Variants in ENTREP2 observed in about 807,000 individuals in gnomAD.
ENTREP2 encodes protein ENTREP2.
the ENTREP2 span, among the ~76,000 whole-genome samples, chr15:29,591,139 AT>A: frequency 6.6e-6 from 1 of 152,204 alleles, no homozygotes; most frequent in African/African-American, 2.4e-5. Flanking sequence ...GTACCAAAAG[AT>A]TTGAGAAAAC....
the ENTREP2 span, among the ~76,000 whole-genome samples, chr15:29,311,159 A>G: frequency 6.6e-6 from 1 of 152,120 alleles, no homozygotes; most frequent in Non-Finnish European, 1.5e-5. Context: ...CTTCAGTTTC[A>G]TTTCAATTCT....
At chr15:29,323,075 A>G in the ENTREP2 span, among the ~76,000 whole-genome samples, 2 of 152,230 alleles carry the variant, frequency 1.3e-5, no homozygotes, top group African/African-American at 4.8e-5. Flanking sequence ...GGTACCTGTG[A>G]TACTGTGAAA....
chr15:29,511,622 C>T, the ENTREP2 span, among the ~76,000 whole-genome samples: 16 of 151,764 alleles, frequency 1.1e-4, no homozygotes, highest in Middle Eastern at 3.2e-3. Context: ...CCACCACACC[C>T]GACTGAGAGT....
chr15:29,336,509 C>T, the ENTREP2 span, among the ~76,000 whole-genome samples: 56 of 152,206 alleles, frequency 3.7e-4, no homozygotes, highest in African/African-American at 1.3e-3. Context: ...CAAGGTCTCA[C>T]TATGTTGCCC....
chr15:29,355,986 G>T, the ENTREP2 span, among the ~76,000 whole-genome samples: 1 of 152,042 alleles, frequency 6.6e-6, no homozygotes, highest in Non-Finnish European at 1.5e-5. Context: ...ATAAGGAAAA[G>T]ATGTTAAAAT....
At chr15:29,453,944 T>G in the ENTREP2 span, among the ~76,000 whole-genome samples, 1 of 152,224 alleles carries the variant, frequency 6.6e-6, no homozygotes, top group Non-Finnish European at 1.5e-5. Context: ...AAAGCTTCAG[T>G]GAGTCTCTTT....
the ENTREP2 span, among the ~76,000 whole-genome samples, chr15:29,323,000 A>G: frequency 1.5e-4 from 23 of 152,246 alleles, no homozygotes; most frequent in African/African-American, 5.5e-4. Flanking sequence ...CATATGGATA[A>G]ATGCAATGAA....
the ENTREP2 span, chr15:29,126,514 T>G: frequency 2.6e-6 from 4 of 1,545,604 alleles, no homozygotes; most frequent in Non-Finnish European, 3.5e-6. Flanking sequence ...GGACATGGCA[T>G]TAGAGTGGGC....
the ENTREP2 span, among the ~76,000 whole-genome samples, chr15:29,260,465 C>A: frequency 6.6e-6 from 1 of 152,166 alleles, no homozygotes; most frequent in Non-Finnish European, 1.5e-5. Context: ...GTGGGATTTA[C>A]TTCAGGAATG....
chr15:29,204,065 T>C, the ENTREP2 span, among the ~76,000 whole-genome samples: 3 of 152,220 alleles, frequency 2.0e-5, no homozygotes, highest in Admixed American at 6.5e-5. Context: ...TGATTAATTC[T>C]TAGGAAAATT....
At chr15:29,119,547 T>C in the ENTREP2 span, among the ~76,000 whole-genome samples, 5 of 33,014 alleles carry the variant, frequency 1.5e-4, 2 homozygotes, top group African/African-American at 3.0e-4. Flanking sequence ...CATGTATACA[T>C]ATGTAACTAA....
chr15:29,393,765 A>G, the ENTREP2 span, among the ~76,000 whole-genome samples: 1 of 152,070 alleles, frequency 6.6e-6, no homozygotes, highest in Admixed American at 6.6e-5. Flanking sequence ...AACAAATGTT[A>G]TAAGTTATCA....
At chr15:29,484,251 T>C in the ENTREP2 span, among the ~76,000 whole-genome samples, 5 of 152,332 alleles carry the variant, frequency 3.3e-5, no homozygotes, top group African/African-American at 1.2e-4. Flanking sequence ...CTTCCATTCA[T>C]AATGCCCATC....
chr15:29,218,467 C>T, the ENTREP2 span, among the ~76,000 whole-genome samples: 1 of 152,122 alleles, frequency 6.6e-6, no homozygotes, highest in East Asian at 1.9e-4. Context: ...AAAAACAATT[C>T]TAAAATTCAT....
At chr15:29,252,675 T>G in the ENTREP2 span, among the ~76,000 whole-genome samples, 2 of 152,146 alleles carry the variant, frequency 1.3e-5, no homozygotes. Context: ...ATAGAAAAAG[T>G]AAGATCTGTA....
At chr15:29,121,117 G>C in the ENTREP2 span, 1 of 152,308 alleles carries the variant, frequency 6.6e-6, no homozygotes, top group African/African-American at 2.4e-5. Flanking sequence ...CCACAAAACA[G>C]AGCTGCCACC....
At chr15:29,453,520 G>C in the ENTREP2 span, among the ~76,000 whole-genome samples, 2 of 152,224 alleles carry the variant, frequency 1.3e-5, no homozygotes, top group African/African-American at 2.4e-5. Flanking sequence ...AGCAAATACA[G>C]AGCATAGACA....
the ENTREP2 span, among the ~76,000 whole-genome samples, chr15:29,224,301 G>C: frequency 2.0e-5 from 3 of 152,092 alleles, no homozygotes; most frequent in Non-Finnish European, 4.4e-5. Context: ...TGTTACAGGT[G>C]ATAAAGGCAG....
chr15:29,242,045 G>A, the ENTREP2 span, among the ~76,000 whole-genome samples: 1 of 152,196 alleles, frequency 6.6e-6, no homozygotes, highest in East Asian at 1.9e-4. Flanking sequence ...CCTGGACCCT[G>A]TCTCTAAAAA....
Sources: allele counts gnomAD v4.1 joint callset (sites outside exome capture counted in the v4.1 genomes callset), GRCh38; gene constraint gnomAD v4.1.1; transcripts MANE v1.5; gene names NCBI Gene and HGNC (gene_info 2026-07-23, HGNC 2026-07-21).